RGCC: variants seen among roughly 807,000 people sequenced by gnomAD.
RGCC encodes regulator of cell cycle RGCC.
RGCC carries 15 observed loss-of-function variants against 15.4 expected under a neutral mutation model. The observed-to-expected ratio is 0.97, with a 90% confidence interval of 0.65 to 1.50. RGCC has a LOEUF of 1.50. Among genes scored for constraint, RGCC ranks in the 40% most tolerant of loss-of-function variants. The probability of loss-of-function intolerance (pLI) is 0.00; values close to 1 mark genes in which losing one functional copy is unlikely to be tolerated. For missense variants in RGCC, 176 were observed against 189.7 expected (o/e 0.93, Z 0.42); for synonymous variants, 81 against 78.0 (o/e 1.04, Z -0.20).
chr13:41,468,197 C>T lies in RGCC; in HGVS notation c.344-579C>T, dbSNP rs926040647. On this transcript the variant is annotated intron_variant, in intron 3 of 4. Transcript: ENST00000379359. Reference sequence around the variant, plus strand: ...TACCATTTTGATAAGAAACAGTGAACTCTTCATTCATTTCATATTGGAGGA... The same window carrying T: ...TACCATTTTGATAAGAAACAGTGAATTCTTCATTCATTTCATATTGGAGGA... 2.0e-5 allele frequency among the ~76,000 whole-genome samples: 3 copies of T among 152,276 alleles called. No individual in the cohort carries two copies. The East Asian group carries it at 5.8e-4, about 29-fold the overall frequency.
At position 41,468,688 on chromosome 13, in the gene RGCC, C is replaced by G. The variant is rs151334557; in HGVS notation, c.344-88C>G. 6.8e-4 allele frequency: 673 copies of G among 988,900 alleles called. 2 individuals carry two copies. In the African/African-American group the frequency reaches 9.3e-3, roughly 14 times the overall value. 61.3% of individuals were successfully genotyped at this position (988,900 alleles called of 1,614,324 possible). On this transcript the variant is annotated intron_variant, in intron 3 of 4. Transcript: ENST00000379359. ...CTATAACTCTGGAAGTTCCAACTTC[C>G]TGGAAAACTCAATATGGAGTCATCA... is the stretch of plus-strand genomic sequence containing the variant.
chr13:41,460,824 G>A (rs953009605), intron 2 of RGCC, among the ~76,000 whole-genome samples: 5 of 152,118 alleles, frequency 3.3e-5, no homozygotes, highest in African/African-American at 7.2e-5. Context: ...CCAGTGTCTC[G>A]CATGAAAATA....
chr13:41,467,575 C>G (rs537888103), intron 3 of RGCC, among the ~76,000 whole-genome samples: 3 of 152,264 alleles, frequency 2.0e-5, no homozygotes, highest in African/African-American at 7.2e-5. Flanking sequence ...ACAAAAGGAG[C>G]TTTTTTTCTT....
At chr13:41,459,547 T>C (rs1397616608) in intron 2 of RGCC, among the ~76,000 whole-genome samples, 2 of 152,180 alleles carry the variant, frequency 1.3e-5, no homozygotes, top group Admixed American at 6.5e-5. Flanking sequence ...AAGGGATAAA[T>C]GCGCTCACCA....
chr13:41,464,653 A>T (rs1311320914), intron 2 of RGCC, among the ~76,000 whole-genome samples: 1 of 152,142 alleles, frequency 6.6e-6, no homozygotes, highest in Non-Finnish European at 1.5e-5. Flanking sequence ...TACCCATGGG[A>T]ATGAGCAAGG....
rs1037287051 is a variant in RGCC at position 41,458,724 on chromosome 13, A to G, written c.235+254A>G. Among the ~76,000 whole-genome samples the G allele has an allele frequency of 6.6e-6, 1 of 152,154 alleles. No homozygotes were observed. The highest frequency in any genetic ancestry group is 1.5e-5 in the Non-Finnish European group (1 of 68,030). ...TTAAGCAGCTTGTCCCGACTCAGCCAGACAGGACTCCCTGGACCTGCACCA... is the reference window on the plus strand; with the variant it reads ...TTAAGCAGCTTGTCCCGACTCAGCCGGACAGGACTCCCTGGACCTGCACCA... On this transcript the variant is annotated intron_variant, in intron 2 of 4. Transcript: ENST00000379359. The surrounding 1 kb of genome is among the most constrained non-coding windows in gnomAD (Gnocchi z 4.4).
chr13:41,458,444 A>G lies in RGCC; in HGVS notation c.209A>G (p.Asp70Gly), dbSNP rs1419455269. Reference sequence around the variant, plus strand: ...CGGCGCAGCAGCGCCAGTGTCAGCGACAGCAGCGGCTTCAGCGACTCGGAG... The same window carrying G: ...CGGCGCAGCAGCGCCAGTGTCAGCGGCAGCAGCGGCTTCAGCGACTCGGAG... ...MKRRSSASVSDSSGFSDSESA... is the reference protein window; with the variant it reads ...MKRRSSASVSGSSGFSDSESA... The change falls in exon 2 of 5, where the codon GAC (aspartate) becomes GGC (glycine). Residue 70 changes from aspartate to glycine, a missense_variant. Asp to Gly is a moderately conservative substitution (Grantham distance 94, BLOSUM62 -1). Coordinates refer to ENST00000379359, the MANE Select transcript of RGCC (RefSeq NM_014059.3). This position sits in a 1 kb window ranked among gnomAD's most constrained non-coding sequence, Gnocchi z 4.4. 12 of 1,600,130 alleles carry G rather than the reference A, an allele frequency of 7.5e-6. No homozygotes were observed. Among genetic ancestry groups the G allele is most frequent in the African/African-American group, 1.3e-5 (1 of 74,808 alleles).
chr13:41,466,397 C>CT lies in RGCC; in HGVS notation c.236-417dup, dbSNP rs1269403137. On this transcript the variant is annotated intron_variant, in intron 2 of 4. Coordinates refer to ENST00000379359, the MANE Select transcript of RGCC (RefSeq NM_014059.3). ...CCTGGAAATCAACCTGTTTTCTAAT[C>CT]TTTTTTTTTGAGACAGAGTCTCACT... Among the ~76,000 whole-genome samples, 11 of 151,334 alleles carry CT rather than the reference C, an allele frequency of 7.3e-5. 1 individual carries two copies. In the South Asian group the frequency reaches 1.1e-3, roughly 14 times the overall value.
Position 41,468,786 on chromosome 13 carries a change from A to G in RGCC, c.354A>G (p.Gly118=). 6.2e-7 allele frequency: 1 copy of G among 1,607,062 alleles called. No individual in the cohort carries two copies. Among genetic ancestry groups the G allele is most frequent in the Non-Finnish European group, 8.5e-7 (1 of 1,178,484 alleles). ...TCTCCTGTTTCACAGCTAAATTAGG[A>G]GACACAAAAGAGCTAGAAGCCTTCA... ...ATVTPQKAKL[G]DTKELEAFIA... is the part of the protein sequence containing the mutation. The change falls in exon 4 of 5, where the codon GGA becomes GGG. Residue 118 remains glycine (G), a synonymous_variant. Coordinates refer to ENST00000379359, the MANE Select transcript of RGCC (RefSeq NM_014059.3).
chr13:41,468,868 AAAAC>A, intron 4 of RGCC, 30 bp downstream of exon 4: 1 of 1,471,776 alleles, frequency 6.8e-7, no homozygotes, highest in Non-Finnish European at 9.4e-7. Context: ...TAAAAACAAA[AAAAC>A]AAAAAACTAA....
Position 41,458,511 on chromosome 13 carries a change from G to C in RGCC, c.235+41G>C. 2 of 1,560,444 alleles carry C rather than the reference G, an allele frequency of 1.3e-6. No homozygotes were observed. The highest frequency in any genetic ancestry group is 1.7e-6 in the Non-Finnish European group (2 of 1,158,308). On this transcript the variant is annotated intron_variant, in intron 2 of 4. Transcript: ENST00000379359. The surrounding 1 kb of genome is among the most constrained non-coding windows in gnomAD (Gnocchi z 4.4). Reference sequence around the variant, plus strand: ...GCTAGGATGGCGCCGGGATCTCCCAGCTCCCAGGACCTGCCCCGCGAAGGC... The same window carrying C: ...GCTAGGATGGCGCCGGGATCTCCCACCTCCCAGGACCTGCCCCGCGAAGGC...
rs775957253 is a variant in RGCC, at chr13:41,457,733, G to A, written c.26G>A (p.Ser9Asn). The stretch of plus-strand genomic sequence containing the variant: ...ATGAAGCCGCCCGCGGCGCAGGGCA[G>A]CCCCGCGGCCGCCGCGGCCGCAGGT... Reference protein sequence around the residue: MKPPAAQGSPAAAAAAAPA... With the variant: MKPPAAQGNPAAAAAAAPA... Residue 9 changes from serine (S) to asparagine (N), a missense_variant, in exon 1 of 5, where the codon AGC becomes AAC. Transcript: ENST00000379359. This position sits in a 1 kb window ranked among gnomAD's most constrained non-coding sequence, Gnocchi z 4.9. The A allele has an allele frequency of 7.8e-6, 11 of 1,411,394 alleles. No individual in the cohort carries two copies. Among genetic ancestry groups the A allele is most frequent in the Non-Finnish European group, 1.8e-6 (2 of 1,088,154 alleles). The allele number at this position is 1,411,394 out of a possible 1,614,324, so 87.4% of individuals were successfully genotyped here.
chr13:41,470,398 C>CACT lies in RGCC; in HGVS notation c.407-80_407-79insACT, dbSNP rs2043870245. On this transcript the variant is annotated intron_variant, in intron 4 of 4. Coordinates refer to ENST00000379359, the MANE Select transcript of RGCC (RefSeq NM_014059.3). Reference sequence around the variant, plus strand: ...GCATTGAGTTTGGTGCTTTGATGCACGTCTGAGACAGTGTGATGTGGTTAA... The same window carrying CACT: ...GCATTGAGTTTGGTGCTTTGATGCACACTGTCTGAGACAGTGTGATGTGGTTAA... The CACT allele has an allele frequency of 8.5e-6, 12 of 1,418,270 alleles. No homozygotes were observed. In the East Asian group the frequency reaches 1.6e-4, roughly 19 times the overall value. 87.9% of individuals were successfully genotyped at this position (1,418,270 alleles called of 1,614,324 possible). A position where few individuals can be genotyped will look rare whatever the true frequency, so the allele number is the denominator to read the frequency against.
intron 4 of RGCC, among the ~76,000 whole-genome samples, chr13:41,469,295 TAAGAAGAAGAAGAAG>T (rs370476569): frequency 0.056 from 4,865 of 86,648 alleles, 125 homozygotes; most frequent in South Asian, 0.11. Context: ...ATAATAATAA[TAAGAAGAAGAAGAAG>T]AAGAAGAAGA....
chr13:41,457,582 G>C lies in RGCC; in HGVS notation c.-126G>C. ...GCGCGGACCGTGCTGGGAGCGGCGC[G>C]GCTGGAGCGCAGCGCCGAAGGGACT... On this transcript the variant is annotated 5_prime_UTR_variant, in exon 1 of 5. Transcript: ENST00000379359. This position sits in a 1 kb window ranked among gnomAD's most constrained non-coding sequence, Gnocchi z 4.9. 2.9e-6 allele frequency: 4 copies of C among 1,398,898 alleles called. No individual in the cohort carries two copies. Among genetic ancestry groups the C allele is most frequent in the Non-Finnish European group, 3.7e-6 (4 of 1,074,414 alleles). The allele number at this position is 1,398,898 out of a possible 1,614,324, so 86.7% of individuals were successfully genotyped here. A position where few individuals can be genotyped will look rare whatever the true frequency, so the allele number is the denominator to read the frequency against.
chr13:41,463,850 T>C (rs1413779839), intron 2 of RGCC, among the ~76,000 whole-genome samples: 1 of 152,220 alleles, frequency 6.6e-6, no homozygotes, highest in Non-Finnish European at 1.5e-5. Context: ...CATCCTCTTT[T>C]GTAATGGCCT....
intron 4 of RGCC, among the ~76,000 whole-genome samples, chr13:41,469,722 C>G (rs1415179155): frequency 3.3e-5 from 5 of 152,170 alleles, no homozygotes; most frequent in Admixed American, 2.6e-4. Context: ...TGCATACTTG[C>G]AAGCCTCTTA....
chr13:41,466,199 ACT>A (rs1339583138), intron 2 of RGCC, among the ~76,000 whole-genome samples: 1 of 99,406 alleles, frequency 1.0e-5, no homozygotes, highest in Non-Finnish European at 2.3e-5. Context: ...ACTCACACAC[ACT>A]CATACACTCA....
chr13:41,458,595 T>C lies in RGCC; in HGVS notation c.235+125T>C. 1.8e-6 allele frequency: 2 copies of C among 1,093,832 alleles called. No individual in the cohort carries two copies. Among genetic ancestry groups the C allele is most frequent in the South Asian group, 1.6e-5 (1 of 61,384 alleles). 67.8% of individuals were successfully genotyped at this position (1,093,832 alleles called of 1,614,324 possible). On this transcript the variant is annotated intron_variant, in intron 2 of 4. Coordinates refer to ENST00000379359, the MANE Select transcript of RGCC (RefSeq NM_014059.3). The surrounding 1 kb of genome is among the most constrained non-coding windows in gnomAD (Gnocchi z 4.4). ...AATGGTTTCCTGAAGCTCAACGCAG[T>C]AGGCCGAGTGGTGGCGGGGCCCCTG... is the stretch of plus-strand genomic sequence containing the variant.
Sources: gnomAD v4.1 joint callset for allele counts (sites outside exome capture counted in the v4.1 genomes callset) on GRCh38, gnomAD v4.1.1 for gene constraint, Gnocchi (gnomAD v3.1) non-coding constraint, MANE v1.5 for transcripts, NCBI Gene and HGNC (gene_info 2026-07-23, HGNC 2026-07-21) for gene names.